The following PLPPR1 variants were observed in gnomAD, a reference collection of about 807,000 sequenced individuals.
PLPPR1 encodes the protein phospholipid phosphatase-related protein type 1.
A neutral mutation model predicts 33.1 loss-of-function variants in PLPPR1; 10 were observed. The ratio of observed to expected loss-of-function variants is 0.30; its 90% CI spans 0.19 to 0.51. The LOEUF is 0.51. PLPPR1 is among the 20% of genes least tolerant of loss of function. PLPPR1 has a pLI of 0.97. For synonymous variants in PLPPR1, 151 were observed against 151.0 expected (o/e 1.00, Z 0.00); for missense variants, 304 against 408.1 (o/e 0.74, Z 2.20).
At chr9:101,144,125 A>G (rs902521917) in intron 1 of PLPPR1, among the ~76,000 whole-genome samples, 3 of 152,216 alleles carry the variant, frequency 2.0e-5, no homozygotes, top group Admixed American at 1.3e-4. Flanking sequence ...AGGGACATGG[A>G]TGAAGCTGGA....
At chr9:101,156,754 G>C (rs1329515585) in intron 1 of PLPPR1, among the ~76,000 whole-genome samples, 1 of 151,954 alleles carries the variant, frequency 6.6e-6, no homozygotes, top group East Asian at 1.9e-4. Context: ...ATGAATGAAT[G>C]GTATGTCAAT....
intron 2 of PLPPR1, among the ~76,000 whole-genome samples, chr9:101,259,151 G>C (rs1172210871): frequency 6.6e-6 from 1 of 152,040 alleles, no homozygotes; most frequent in Non-Finnish European, 1.5e-5. Context: ...CTGGAGGAAG[G>C]AAGTACTAAA....
rs1163992190 is a variant in PLPPR1 at position 101,165,637 on chromosome 9, G to A, written c.-45-19813G>A. On this transcript the variant is annotated intron_variant, in intron 1 of 7. Transcript: ENST00000374874. ...GTGCCTGATTCTGGGCCAGATGAAG[G>A]TTGAGAGGAAAAATTGGGATTCATG... Among the ~76,000 whole-genome samples the A allele has an allele frequency of 2.6e-5, 4 of 152,140 alleles. No homozygotes were observed. In the East Asian group the frequency reaches 7.7e-4, roughly 29 times the overall value.
chr9:101,294,912 A>G (rs530794464), intron 4 of PLPPR1, among the ~76,000 whole-genome samples: 1 of 152,328 alleles, frequency 6.6e-6, no homozygotes, highest in South Asian at 2.1e-4. Flanking sequence ...TTCCCTGTCT[A>G]CTACTCCTAT....
intron 1 of PLPPR1, among the ~76,000 whole-genome samples, chr9:101,100,697 CGTGTGTGTGTGT>C (rs56760066): frequency 8.8e-5 from 13 of 146,940 alleles, no homozygotes; most frequent in African/African-American, 2.0e-4. Flanking sequence ...CTCTTTGTTC[CGTGTGTGTGTGT>C]GTGTGTGTGT....
At chr9:101,309,483 C>CAGGA (rs1564033994) in intron 5 of PLPPR1, 22 bp downstream of exon 5, 1 of 1,607,726 alleles carries the variant, frequency 6.2e-7, no homozygotes, top group East Asian at 2.2e-5. Context: ...AGTCTTGTCT[C>CAGGA]TCCTAAGTCC....
intron 4 of PLPPR1, among the ~76,000 whole-genome samples, chr9:101,290,930 G>T (rs1378667870): frequency 6.6e-6 from 1 of 152,192 alleles, no homozygotes; most frequent in Non-Finnish European, 1.5e-5. Flanking sequence ...CCAGACAGTG[G>T]GCGCAGGACA....
At chr9:101,171,380 G>C (rs1040860617) in intron 1 of PLPPR1, among the ~76,000 whole-genome samples, 1 of 152,154 alleles carries the variant, frequency 6.6e-6, no homozygotes, top group African/African-American at 2.4e-5. Flanking sequence ...CAGTGTTCCT[G>C]AGTCTGGGTA....
rs1406143901 is a variant in PLPPR1 at position 101,312,602 on chromosome 9, T to A, written c.637-196T>A. Among the ~76,000 whole-genome samples, 4 of 152,238 alleles carry A rather than the reference T, an allele frequency of 2.6e-5. No individual in the cohort carries two copies. In the East Asian group the frequency reaches 7.7e-4, roughly 29 times the overall value. Reference sequence around the variant, plus strand: ...CTGAAGAATGTACATCTGTTCATTGTTCTTGCTGCACTGATTTCCTACCTA... The same window carrying A: ...CTGAAGAATGTACATCTGTTCATTGATCTTGCTGCACTGATTTCCTACCTA... On this transcript the variant is annotated intron_variant, in intron 5 of 7. Coordinates refer to ENST00000374874, the MANE Select transcript of PLPPR1 (RefSeq NM_207299.2).
At chr9:101,152,965 A>G (rs1831611277) in intron 1 of PLPPR1, among the ~76,000 whole-genome samples, 1 of 152,196 alleles carries the variant, frequency 6.6e-6, no homozygotes, top group Non-Finnish European at 1.5e-5. Context: ...TGGGGATGGC[A>G]TTGAATCTAT....
At chr9:101,079,255 C>T (rs181846616) in intron 1 of PLPPR1, among the ~76,000 whole-genome samples, 79 of 152,264 alleles carry the variant, frequency 5.2e-4, no homozygotes, top group African/African-American at 1.9e-3. Context: ...CTGCCATCTC[C>T]CTTTGCTGTC....
intron 1 of PLPPR1, among the ~76,000 whole-genome samples, chr9:101,130,406 C>T (rs1831300571): frequency 6.6e-6 from 1 of 152,164 alleles, no homozygotes; most frequent in Non-Finnish European, 1.5e-5. Context: ...AGCATCCCTA[C>T]ACCTGTTTTC....
intron 2 of PLPPR1, among the ~76,000 whole-genome samples, chr9:101,245,243 GC>G (rs568692079): frequency 6.6e-6 from 1 of 151,522 alleles, no homozygotes; most frequent in Non-Finnish European, 1.5e-5. Flanking sequence ...TTACCTTATA[GC>G]AAAAAAAAGA....
chr9:101,244,980 C>T (rs1019844785), intron 2 of PLPPR1, among the ~76,000 whole-genome samples: 1 of 151,928 alleles, frequency 6.6e-6, no homozygotes, highest in Admixed American at 6.6e-5. Context: ...GTTAAGAATA[C>T]AATACACCTA....
intron 1 of PLPPR1, among the ~76,000 whole-genome samples, chr9:101,072,747 A>T (rs1188738011): frequency 6.6e-6 from 1 of 152,210 alleles, no homozygotes; most frequent in Non-Finnish European, 1.5e-5. Flanking sequence ...ATATGTTAAT[A>T]TTTCCCAGAT....
intron 1 of PLPPR1, among the ~76,000 whole-genome samples, chr9:101,083,083 G>C (rs192892882): frequency 4.6e-5 from 7 of 152,200 alleles, no homozygotes; most frequent in African/African-American, 1.7e-4. Context: ...GACTGTAAAC[G>C]CCTGATTCTA....
intron 6 of PLPPR1, 104 bp downstream of exon 6, chr9:101,313,078 C>A (rs1318258335): frequency 6.3e-6 from 6 of 958,772 alleles, no homozygotes; most frequent in Non-Finnish European, 9.7e-6. Flanking sequence ...TTCGTCCCAA[C>A]CTTGTGAATT....
intron 1 of PLPPR1, among the ~76,000 whole-genome samples, chr9:101,132,724 T>C (rs1192996586): frequency 6.6e-6 from 1 of 152,224 alleles, no homozygotes; most frequent in Non-Finnish European, 1.5e-5. Context: ...TGGTGGGGGA[T>C]ATTGTTACTG....
intron 1 of PLPPR1, among the ~76,000 whole-genome samples, chr9:101,099,132 G>A (rs1830861259): frequency 6.6e-6 from 1 of 151,712 alleles, no homozygotes; most frequent in African/African-American, 2.4e-5. Context: ...GGAGTGTGTT[G>A]GTCAGTGGGG....
Sources: gnomAD v4.1 joint callset for allele counts (sites outside exome capture counted in the v4.1 genomes callset) on GRCh38, gnomAD v4.1.1 for gene constraint, MANE v1.5 for transcripts, NCBI Gene and HGNC (gene_info 2026-07-23, HGNC 2026-07-21) for gene names.